PRTN3: variants seen among roughly 807,000 people sequenced by gnomAD.
The protein encoded by PRTN3 is myeloblastin.
Under a neutral mutation model 20.7 loss-of-function variants are expected in PRTN3, and 22 were observed. The observed-to-expected ratio is 1.06, with a 90% CI of 0.76 to 1.52. PRTN3 has a LOEUF of 1.52. Among genes scored for constraint, PRTN3 ranks in the 40% most tolerant of loss-of-function variants. PRTN3 has a pLI of 0.00. For missense variants in PRTN3, 378 were observed against 359.6 expected (o/e 1.05, Z -0.41); for synonymous variants, 173 against 152.9 (o/e 1.13, Z -0.97).
intron 1 of PRTN3, among the ~76,000 whole-genome samples, chr19:842,620 A>C (rs2035461292): frequency 9.3e-6 from 1 of 107,728 alleles, no homozygotes; most frequent in Non-Finnish European, 1.8e-5. Context: ...ACGGAGTGTC[A>C]TTCTGTTGCC....
rs759651107 is a variant in PRTN3, at chr19:843,937, G to A, written c.272G>A (p.Arg91Gln). The A allele has an allele frequency of 5.0e-6, 8 of 1,599,396 alleles. No homozygotes were observed. Among genetic ancestry groups the A allele is most frequent in the African/African-American group, 2.7e-5 (2 of 74,654 alleles). ...GTGGTGCTCGGAGCCCACAACGTGC[G>A]GACGCAGGAGCCCACCCAGCAGCAC... Reference protein sequence around the residue: ...VNVVLGAHNVRTQEPTQQHFS... With the variant: ...VNVVLGAHNVQTQEPTQQHFS... The change falls in exon 3 of 5, where the codon CGG (arginine) becomes CAG (glutamine). Residue 91 changes from arginine to glutamine, a missense_variant. Physicochemically the swap from Arg to Gln is conservative, Grantham distance 43. Transcript: ENST00000234347.
At chr19:842,901 T>G (rs2145125847) in intron 1 of PRTN3, among the ~76,000 whole-genome samples, 1 of 150,024 alleles carries the variant, frequency 6.7e-6, no homozygotes, top group Non-Finnish European at 1.5e-5. Context: ...TTTTTCTGCT[T>G]CTTTAAAAAC....
At chr19:845,746 G>GAAAT (rs2035508161) in intron 3 of PRTN3, among the ~76,000 whole-genome samples, 3 of 148,416 alleles carry the variant, frequency 2.0e-5, no homozygotes, top group African/African-American at 7.5e-5. Context: ...AAGAAAGAAA[G>GAAAT]AAAACATGAA....
chr19:841,725 CTTTTTCT>C (rs1414944396), intron 1 of PRTN3, among the ~76,000 whole-genome samples: 1 of 123,344 alleles, frequency 8.1e-6, no homozygotes, highest in East Asian at 2.2e-4. Flanking sequence ...TTTTCTTTTT[CTTTTTCT>C]TTTTTTTTTT....
At chr19:841,598 GA>G (rs1413488715) in intron 1 of PRTN3, among the ~76,000 whole-genome samples, 1 of 57,660 alleles carries the variant, frequency 1.7e-5, no homozygotes, top group Non-Finnish European at 3.8e-5. Flanking sequence ...ATGAGTGAAC[GA>G]ATGAATGAGT....
At chr19:845,528 G>A (rs1489998813) in intron 3 of PRTN3, among the ~76,000 whole-genome samples, 2 of 151,722 alleles carry the variant, frequency 1.3e-5, no homozygotes, top group African/African-American at 2.4e-5. Flanking sequence ...CAGCCTGATC[G>A]ATATGGCAAA....
At position 841,113 on chromosome 19, in the gene PRTN3, T is replaced by C. The variant is rs781136914; in HGVS notation, c.61+44T>C. 6.3e-6 allele frequency: 10 copies of C among 1,591,106 alleles called. No homozygotes were observed. In the East Asian group the frequency reaches 1.6e-4, roughly 25 times the overall value. On this transcript the variant is annotated intron_variant, in intron 1 of 4. Transcript: ENST00000234347. Reference sequence around the variant, plus strand: ...CATCCATCCAGCCTCCAGGCCCCGGTGGATTGTGGGGAAATATCCACCACG... The same window carrying C: ...CATCCATCCAGCCTCCAGGCCCCGGCGGATTGTGGGGAAATATCCACCACG...
chr19:841,198 TC>T, intron 1 of PRTN3, 129 bp downstream of exon 1: 1 of 1,234,828 alleles, frequency 8.1e-7, no homozygotes, highest in South Asian at 1.4e-5. Flanking sequence ...CAGGGGAGAC[TC>T]CACTCACTGC....
chr19:841,155 C>A, intron 1 of PRTN3, 86 bp downstream of exon 1: 1 of 1,510,752 alleles, frequency 6.6e-7, no homozygotes. Context: ...ATCCAAAGCC[C>A]TTCTGGCACA....
At chr19:847,307 G>T (rs1044603640) in intron 4 of PRTN3, among the ~76,000 whole-genome samples, 1 of 151,590 alleles carries the variant, frequency 6.6e-6, no homozygotes, top group African/African-American at 2.4e-5. Flanking sequence ...ACCCTGTCTC[G>T]AGAGAAAGAC....
rs2035544271 is a variant in PRTN3 at position 848,150 on chromosome 19, G to A, written c.*181G>A. 1 of 717,220 alleles carries A rather than the reference G, an allele frequency of 1.4e-6. No individual in the cohort carries two copies. The highest frequency in any genetic ancestry group is 2.2e-6 in the Non-Finnish European group (1 of 448,004). 44.4% of individuals were successfully genotyped at this position (717,220 alleles called of 1,614,324 possible). A position where few individuals can be genotyped will look rare whatever the true frequency, so the allele number is the denominator to read the frequency against. On this transcript the variant is annotated 3_prime_UTR_variant, in exon 5 of 5. Transcript: ENST00000234347. ...GGCCGGCCCTGCACCTCACCCCACC[G>A]TGACCTCAATAAACGTTGAAACTCC...
At chr19:846,593 GC>G (rs1455269789) in intron 4 of PRTN3, among the ~76,000 whole-genome samples, 2 of 152,134 alleles carry the variant, frequency 1.3e-5, no homozygotes, top group Non-Finnish European at 2.9e-5. Flanking sequence ...GGGGTTCCCT[GC>G]CCCCCACTCC....
chr19:846,843 A>G (rs2035524338), intron 4 of PRTN3, among the ~76,000 whole-genome samples: 1 of 152,102 alleles, frequency 6.6e-6, no homozygotes, highest in Non-Finnish European at 1.5e-5. Context: ...CCCAGGTTCA[A>G]GGTATTCTCC....
chr19:841,085 G>A lies in PRTN3; in HGVS notation c.61+16G>A, dbSNP rs943665329. On this transcript the variant is annotated intron_variant, in intron 1 of 4. Transcript: ENST00000234347. ...CTGCTGAGCGGTGAGTGAGCCACGT[G>A]CCCATCCATCCAGCCTCCAGGCCCC... The A allele has an allele frequency of 1.1e-5, 17 of 1,602,962 alleles. No homozygotes were observed. Among genetic ancestry groups the A allele is most frequent in the Non-Finnish European group, 1.3e-5 (15 of 1,179,664 alleles).
intron 3 of PRTN3, among the ~76,000 whole-genome samples, chr19:845,216 G>A (rs974043235): frequency 2.0e-5 from 3 of 151,818 alleles, no homozygotes; most frequent in African/African-American, 7.3e-5. Flanking sequence ...CCAAAGTGCT[G>A]GGATTATAGG....
Position 846,176 on chromosome 19 carries a change from C to T in PRTN3, c.399C>T (p.Ser133=), listed in dbSNP as rs375970778. The change falls in exon 4 of 5, where the codon TCC becomes TCT. Residue 133 remains serine (S), a synonymous_variant. Transcript: ENST00000234347. ...QLSSPANLSA[S]VATVQLPQQD... ...GCAGCCCAGCCAACCTCAGTGCCTC[C>T]GTCGCCACAGTCCAGCTGCCACAGC... is the stretch of plus-strand genomic sequence containing the variant. 23 of 1,488,998 alleles carry T rather than the reference C, an allele frequency of 1.5e-5. No homozygotes were observed. The highest frequency in any genetic ancestry group is 1.2e-4 in the Admixed American group (5 of 41,384). 92.2% of individuals were successfully genotyped at this position (1,488,998 alleles called of 1,614,324 possible). A position where few individuals can be genotyped will look rare whatever the true frequency, so the allele number is the denominator to read the frequency against.
intron 4 of PRTN3, 56 bp downstream of exon 4, chr19:846,433 G>A (rs2035518185): frequency 1.3e-6 from 2 of 1,497,842 alleles, no homozygotes; most frequent in Admixed American, 2.2e-5. Flanking sequence ...GAGGAGGGCG[G>A]CGGCCAGGGT....
At position 843,609 on chromosome 19, in the gene PRTN3, G is replaced by T. The variant is rs367854995; in HGVS notation, c.210G>T (p.Ala70=). 174 of 1,592,118 alleles carry T rather than the reference G, an allele frequency of 1.1e-4. No homozygotes were observed. In the African/African-American group the frequency reaches 2.1e-3, roughly 19 times the overall value. ...ACCCCAGCTTCGTGCTGACGGCCGC[G>T]CACTGCCTGCGGGACATGTGAGCGG... is the stretch of plus-strand genomic sequence containing the variant. ...LIHPSFVLTA[A]HCLRDIPQRL... The change falls in exon 2 of 5, where the codon GCG becomes GCT. Residue 70 remains alanine (A), a synonymous_variant. Transcript: ENST00000234347.
rs2035514716 is a variant in PRTN3, at chr19:846,250, G to A, written c.473G>A (p.Gly158Asp). The change falls in exon 4 of 5, where the codon GGC (glycine) becomes GAC (aspartate). Residue 158 changes from glycine to aspartate, a missense_variant. Coordinates refer to ENST00000234347, the MANE Select transcript of PRTN3 (RefSeq NM_002777.4). ...HGTQCLAMGW[G>D]RVGAHDPPAQ... ...ACCCAGTGCCTGGCCATGGGCTGGGGCCGCGTGGGTGCCCACGACCCCCCA... is the reference window on the plus strand; with the variant it reads ...ACCCAGTGCCTGGCCATGGGCTGGGACCGCGTGGGTGCCCACGACCCCCCA... 1.9e-6 allele frequency: 3 copies of A among 1,562,742 alleles called. No individual in the cohort carries two copies. The African/African-American group carries it at 4.1e-5, about 21-fold the overall frequency.
Sources: allele counts gnomAD v4.1 joint callset (sites outside exome capture counted in the v4.1 genomes callset), GRCh38; gene constraint gnomAD v4.1.1; transcripts MANE v1.5; gene names NCBI Gene and HGNC (gene_info 2026-07-23, HGNC 2026-07-21).